SLC12A7: variants seen among roughly 807,000 people sequenced by gnomAD.
SLC12A7 encodes solute carrier family 12 member 7.
In SLC12A7, 100 loss-of-function variants were observed where a neutral mutation model predicts 120.6. The ratio of observed to expected loss-of-function variants is 0.83; its 90% CI spans 0.71 to 0.98. The LOEUF (loss-of-function observed/expected upper bound fraction) is 0.98. SLC12A7 is among the 50% of genes least tolerant of loss of function. The pLI is 0.00. For synonymous variants in SLC12A7, 760 were observed against 678.0 expected, an observed-to-expected ratio of 1.12 and a Z score of -1.88; for missense variants, 1,373 against 1,548.1, an observed-to-expected ratio of 0.89 and a Z score of 1.90.
chr5:1,148,118 C>T, the SLC12A7 span, among the ~76,000 whole-genome samples: 2 of 152,072 alleles, frequency 1.3e-5, no homozygotes, highest in African/African-American at 4.8e-5. Context: ...GTTTTCTGGG[C>T]CATGGTCACT....
chr5:1,124,243 G>T, the SLC12A7 span, among the ~76,000 whole-genome samples: 1 of 152,174 alleles, frequency 6.6e-6, no homozygotes. Flanking sequence ...CAAGCCAAGA[G>T]AAAAGTCTTT....
chr5:1,078,193 C>T lies in SLC12A7; in HGVS notation c.1455-186G>A, dbSNP rs557239918. Among the ~76,000 whole-genome samples the T allele has an allele frequency of 3.3e-5, 5 of 152,292 alleles. No homozygotes were observed. In the East Asian group the frequency reaches 7.7e-4, roughly 24 times the overall value. ...GGCTCTGCCCAGCATGGCCAGAATG[C>T]TCTGGAGGGTCTTCAGCGGGGGAGG... is the stretch of plus-strand genomic sequence containing the variant. On this transcript the variant is annotated intron_variant, in intron 11 of 23. Transcript: ENST00000264930.
At chr5:1,066,770 C>A (rs368696891) in intron 17 of SLC12A7, among the ~76,000 whole-genome samples, 3 of 152,226 alleles carry the variant, frequency 2.0e-5, no homozygotes, top group East Asian at 3.9e-4. Flanking sequence ...CAGGGTCGCC[C>A]GGGGGCCCAG....
the SLC12A7 span, among the ~76,000 whole-genome samples, chr5:1,136,644 G>C: frequency 2.2e-5 from 3 of 135,880 alleles, no homozygotes; most frequent in South Asian, 7.2e-4. Context: ...AGGACACGCA[G>C]GCACACATGT....
chr5:1,087,009 G>A lies in SLC12A7; in HGVS notation c.569C>T (p.Ser190Leu), dbSNP rs769443296. 1.1e-5 allele frequency: 17 copies of A among 1,612,548 alleles called. No individual in the cohort carries two copies. Among genetic ancestry groups the A allele is most frequent in the Non-Finnish European group, 1.4e-5 (17 of 1,179,904 alleles). ...TCCAAACTCGGGTCCCAGCGAGCGCGATATCATGTAGTAGGACCCGCCAGC... is the reference window on the plus strand; with the variant it reads ...TCCAAACTCGGGTCCCAGCGAGCGCAATATCATGTAGTAGGACCCGCCAGC... Reference protein sequence around the residue: ...VPAGGSYYMISRSLGPEFGGA... With the variant: ...VPAGGSYYMILRSLGPEFGGA... Residue 190 changes from serine to leucine, a missense_variant, in exon 6 of 24, where the codon TCG (serine) becomes TTG (leucine). Transcript: ENST00000264930.
chr5:1,078,809 T>C (rs1437106390), intron 10 of SLC12A7, 51 bp from the exon 11 acceptor site: 3 of 168,338 alleles, frequency 1.8e-5, no homozygotes, highest in South Asian at 5.3e-5. Context: ...GGTCCTCAGG[T>C]ACGGGGGGTG....
Position 1,057,729 on chromosome 5 carries a change from G to A in SLC12A7, c.2848-80C>T, listed in dbSNP as rs112611830. The A allele has an allele frequency of 5.3e-5, 73 of 1,375,544 alleles. No individual in the cohort carries two copies. In the African/African-American group the frequency reaches 8.1e-4, roughly 15 times the overall value. The allele number at this position is 1,375,544 out of a possible 1,614,324, so 85.2% of individuals were successfully genotyped here. On this transcript the variant is annotated intron_variant, in intron 21 of 23. Coordinates refer to ENST00000264930, the MANE Select transcript of SLC12A7 (RefSeq NM_006598.3). Reference sequence around the variant, plus strand: ...GAGCGACCCGGGATGCCAGGCCGGAGGTGAGGGCAGCTCACAGAACCTGAA... The same window carrying A: ...GAGCGACCCGGGATGCCAGGCCGGAAGTGAGGGCAGCTCACAGAACCTGAA...
chr5:1,053,203 T>G, intron 23 of SLC12A7, 146 bp downstream of exon 23: 1 of 1,063,142 alleles, frequency 9.4e-7, no homozygotes, highest in South Asian at 1.6e-5. Flanking sequence ...AGAGCCCCAC[T>G]GCATCCCGGT....
intron 17 of SLC12A7, among the ~76,000 whole-genome samples, chr5:1,068,875 G>A (rs1283965488): frequency 4.6e-5 from 7 of 152,370 alleles, no homozygotes; most frequent in African/African-American, 1.7e-4. Context: ...TCCCTCGTGC[G>A]CACAGACGCG....
intron 12 of SLC12A7, 110 bp from the exon 13 acceptor site, chr5:1,076,922 G>T: frequency 1.3e-6 from 1 of 773,260 alleles, no homozygotes; most frequent in African/African-American, 1.7e-5. Context: ...CAGACCAGCA[G>T]AAACGCCTTT....
the SLC12A7 span, among the ~76,000 whole-genome samples, chr5:1,147,250 A>ACCCC: frequency 9.2e-5 from 10 of 108,678 alleles, no homozygotes; most frequent in African/African-American, 1.4e-4. Flanking sequence ...CCACCCCGCC[A>ACCCC]CCCCCCCCGC....
the SLC12A7 span, among the ~76,000 whole-genome samples, chr5:1,137,890 C>A: frequency 6.6e-6 from 1 of 152,220 alleles, no homozygotes; most frequent in African/African-American, 2.4e-5. Flanking sequence ...ATGTCGGCGC[C>A]AGCGCTGTGG....
Position 1,081,633 on chromosome 5 carries a change from G to A in SLC12A7, c.1241C>T (p.Thr414Ile). Reference protein sequence around the residue: ...SRASALPYVLTDIAASFTLLV... With the variant: ...SRASALPYVLIDIAASFTLLV... ...CAGGGTGAAGGAGGCCGCGATGTCG[G>A]TGAGCACGTAGGGCAGTGCGCTGGC... The change falls in exon 9 of 24, where the codon ACC becomes ATC. Residue 414 changes from threonine (T) to isoleucine (I), a missense_variant. Transcript: ENST00000264930. 6 of 1,612,404 alleles carry A rather than the reference G, an allele frequency of 3.7e-6. No individual in the cohort carries two copies. Among genetic ancestry groups the A allele is most frequent in the Non-Finnish European group, 5.1e-6 (6 of 1,179,302 alleles).
At chr5:1,059,191 C>T (rs982029871) in intron 21 of SLC12A7, among the ~76,000 whole-genome samples, 39 of 152,326 alleles carry the variant, frequency 2.6e-4, no homozygotes, top group African/African-American at 8.4e-4. Context: ...TCTCTGTCCA[C>T]GGACAAGCTG....
At chr5:1,138,985 C>G in the SLC12A7 span, among the ~76,000 whole-genome samples, 2 of 152,248 alleles carry the variant, frequency 1.3e-5, no homozygotes, top group Non-Finnish European at 2.9e-5. Flanking sequence ...CTGCACCCAC[C>G]ACCCAGGCCT....
chr5:1,065,581 ACCCAGCAGGAGGGAAGG>A, intron 17 of SLC12A7, 103 bp from the exon 18 acceptor site: 1 of 911,966 alleles, frequency 1.1e-6, no homozygotes. Flanking sequence ...TCCCCTGTGG[ACCCAGCAGGAGGGAAGG>A]CCCGAAGGCT....
the SLC12A7 span, among the ~76,000 whole-genome samples, chr5:1,153,950 TC>T: frequency 6.6e-6 from 1 of 151,902 alleles, no homozygotes; most frequent in Non-Finnish European, 1.5e-5. Flanking sequence ...AAGAAATGAC[TC>T]CAGGCTCAGG....
At chr5:1,069,928 C>T (rs929041373) in intron 17 of SLC12A7, among the ~76,000 whole-genome samples, 6 of 152,088 alleles carry the variant, frequency 3.9e-5, no homozygotes, top group African/African-American at 1.4e-4. Context: ...GGGCACTCAC[C>T]CGTCCCTCCC....
chr5:1,146,584 C>G, the SLC12A7 span, among the ~76,000 whole-genome samples: 217 of 152,296 alleles, frequency 1.4e-3, no homozygotes, highest in African/African-American at 5.0e-3. This position sits in a 1 kb window ranked among gnomAD's most constrained non-coding sequence, Gnocchi z 6.5. Context: ...AAGCGGTGGT[C>G]GGCCATGCCT....
Sources: gnomAD v4.1 joint callset for allele counts (sites outside exome capture counted in the v4.1 genomes callset) on GRCh38, gnomAD v4.1.1 for gene constraint, Gnocchi (gnomAD v3.1) non-coding constraint, MANE v1.5 for transcripts, NCBI Gene and HGNC (gene_info 2026-07-23, HGNC 2026-07-21) for gene names.